Variants in KLHL22 observed in about 807,000 individuals in gnomAD.
KLHL22 encodes kelch like family member 22.
KLHL22 carries 18 observed loss-of-function variants against 60.7 expected under a neutral mutation model. The observed-to-expected ratio is 0.30, with a 90% CI of 0.20 to 0.44. The LOEUF is 0.44. Among genes scored for constraint, KLHL22 ranks in the 20% least tolerant of loss-of-function variants. KLHL22 has a pLI of 1.00. For synonymous variants in KLHL22, 355 were observed against 354.5 expected (o/e 1.00, Z -0.01); for missense variants, 596 against 852.3 (o/e 0.70, Z 3.74).
Position 20,465,193 on chromosome 22 carries a change from G to A in KLHL22, c.777C>T (p.Asp259=). 1 of 1,613,842 alleles carries A rather than the reference G, an allele frequency of 6.2e-7. No homozygotes were observed. Among genetic ancestry groups the A allele is most frequent in the Non-Finnish European group, 8.5e-7 (1 of 1,180,014 alleles). Residue 259 remains aspartate (D), a synonymous_variant, in exon 4 of 7, where the codon GAC becomes GAT. Coordinates refer to ENST00000328879, the MANE Select transcript of KLHL22 (RefSeq NM_032775.4). The surrounding 1 kb of genome is among the most constrained non-coding windows in gnomAD (Gnocchi z 4.9). ...MEAEVLQRLH[D]KLDPSPLRDT... is the part of the protein sequence containing the mutation. ...CCCTCAAAGGGCTGGGGTCCAGCTT[G>A]TCATGCAGCCGCTGCAGGACCTCAG...
rs12167329 is a variant in KLHL22, at chr22:20,450,008, C to T, written c.1306-3332G>A. 2,932 of 599,460 alleles carry T rather than the reference C, an allele frequency of 4.9e-3. 71 individuals carry two copies. Among genetic ancestry groups the T allele is most frequent in the African/African-American group, 0.047 (2,537 of 53,710 alleles). The allele number at this position is 599,460 out of a possible 1,614,324, so 37.1% of individuals were successfully genotyped here. On this transcript the variant is annotated intron_variant, in intron 5 of 6. Transcript: ENST00000328879. ...CTCCTCCTGAGCCACCTGCTGGACC[C>T]GCACCCCACTCCATCCCCACAGGCT...
chr22:20,465,709 C>T lies in KLHL22; in HGVS notation c.394-133G>A, dbSNP rs764805471. On this transcript the variant is annotated intron_variant, in intron 3 of 6. Coordinates refer to ENST00000328879, the MANE Select transcript of KLHL22 (RefSeq NM_032775.4). The surrounding 1 kb of genome is among the most constrained non-coding windows in gnomAD (Gnocchi z 4.9). The stretch of plus-strand genomic sequence containing the variant: ...AAGGGAAGTCCTCCTTAATTGTCCC[C>T]GACCTTTTCTGACACACTGGAGACT... The T allele has an allele frequency of 3.6e-5, 24 of 664,848 alleles. No homozygotes were observed. The highest frequency in any genetic ancestry group is 5.7e-5 in the Non-Finnish European group (21 of 366,962). The allele number at this position is 664,848 out of a possible 1,614,324, so 41.2% of individuals were successfully genotyped here.
chr22:20,446,551 A>G lies in KLHL22; in HGVS notation c.1431T>C (p.Ala477=). ...DPGSNTWHTL[A]DGPVRRAWHG... ...GCCAGGCGCGCCGCACAGGCCCATC[A>G]GCCAGTGTGTGCCAAGTGTTGCTGC... Residue 477 remains alanine, a synonymous_variant, in exon 6 of 7, where the codon GCT becomes GCC. Transcript: ENST00000328879. 1 of 1,613,870 alleles carries G rather than the reference A, an allele frequency of 6.2e-7. No homozygotes were observed. Among genetic ancestry groups the G allele is most frequent in the Non-Finnish European group, 8.5e-7 (1 of 1,179,950 alleles).
At chr22:20,466,090 G>A (rs886794594) in intron 3 of KLHL22, among the ~76,000 whole-genome samples, 4 of 152,134 alleles carry the variant, frequency 2.6e-5, no homozygotes, top group African/African-American at 7.2e-5. Context: ...AAAAGTACTG[G>A]CTCGGCCGGG....
In KLHL22 at chr22:20,483,459, GTTC is replaced by G. The variant is rs1286099570; in HGVS notation, c.227+5523_227+5525del. The G allele has an allele frequency of 9.2e-6, 7 of 762,990 alleles. No homozygotes were observed. In the East Asian group the frequency reaches 1.0e-4, roughly 11 times the overall value. 47.3% of individuals were successfully genotyped at this position (762,990 alleles called of 1,614,324 possible). On this transcript the variant is annotated intron_variant, in intron 2 of 6. Transcript: ENST00000328879. ...GTAGGCCTTTTACTTCCTCTTCATG[GTTC>G]TTCTTCATGAAGAGCAGCTCCTCCT...
chr22:20,478,488 A>G (rs1170190051), intron 2 of KLHL22, among the ~76,000 whole-genome samples: 1 of 145,942 alleles, frequency 6.9e-6, no homozygotes, highest in Non-Finnish European at 1.5e-5. Flanking sequence ...TGAGCCACCA[A>G]GCCCGCCCCA....
chr22:20,449,576 G>A (rs1054473535), intron 5 of KLHL22, among the ~76,000 whole-genome samples: 1 of 149,670 alleles, frequency 6.7e-6, no homozygotes, highest in Admixed American at 6.7e-5. Flanking sequence ...AATTTTTGTA[G>A]TTTTAGTAGA....
intron 5 of KLHL22, among the ~76,000 whole-genome samples, chr22:20,447,746 T>C (rs1271847050): frequency 6.6e-6 from 1 of 152,148 alleles, no homozygotes; most frequent in East Asian, 1.9e-4. Context: ...TTTCACCATG[T>C]TGGCCAGGAT....
chr22:20,465,851 T>C lies in KLHL22; in HGVS notation c.394-275A>G, dbSNP rs528130021. ...TTTCTTTGAGACAAAGTTTCGCTCTTGTTGCCCAGAATGGAGTGCAGTGGC... is the reference window on the plus strand; with the variant it reads ...TTTCTTTGAGACAAAGTTTCGCTCTCGTTGCCCAGAATGGAGTGCAGTGGC... On this transcript the variant is annotated intron_variant, in intron 3 of 6. Transcript: ENST00000328879. This position sits in a 1 kb window ranked among gnomAD's most constrained non-coding sequence, Gnocchi z 4.9. Among the ~76,000 whole-genome samples, 112 of 152,248 alleles carry C rather than the reference T, an allele frequency of 7.4e-4. No individual in the cohort carries two copies. Among genetic ancestry groups the C allele is most frequent in the African/African-American group, 2.7e-3 (111 of 41,556 alleles).
rs529018233 is a variant in KLHL22, at chr22:20,464,725, T to C, written c.1112+133A>G. 3 of 639,384 alleles carry C rather than the reference T, an allele frequency of 4.7e-6. No individual in the cohort carries two copies. In the Admixed American group the frequency reaches 7.9e-5, roughly 17 times the overall value. The allele number at this position is 639,384 out of a possible 1,614,324, so 39.6% of individuals were successfully genotyped here. A position where few individuals can be genotyped will look rare whatever the true frequency, so the allele number is the denominator to read the frequency against. ...GCTGTCCACCTTCTCTGAATTCACC[T>C]AGACTTCATTCCACAATGGCAAGTG... On this transcript the variant is annotated intron_variant, in intron 4 of 6. Coordinates refer to ENST00000328879, the MANE Select transcript of KLHL22 (RefSeq NM_032775.4).
At position 20,442,130 on chromosome 22, in the gene KLHL22, G is replaced by A. The variant is rs771607087; in HGVS notation, c.1848C>T (p.Ala616=). 1 of 1,534,780 alleles carries A rather than the reference G, an allele frequency of 6.5e-7. No individual in the cohort carries two copies. The highest frequency in any genetic ancestry group is 8.8e-7 in the Non-Finnish European group (1 of 1,139,594). Residue 616 remains alanine (A), a synonymous_variant, in exon 7 of 7, where the codon GCC becomes GCT. Transcript: ENST00000328879. ...PDRSQADPDF[A]SEVMSVSDWE... ...AGTCAGACACACTCATCACCTCAGAGGCAAAGTCCGGGTCGGCCTGGCTGC... is the reference window on the plus strand; with the variant it reads ...AGTCAGACACACTCATCACCTCAGAAGCAAAGTCCGGGTCGGCCTGGCTGC...
At chr22:20,491,091 C>G (rs2053680618) in intron 1 of KLHL22, 1 of 152,154 alleles carries the variant, frequency 6.6e-6, no homozygotes, top group Admixed American at 6.5e-5. Flanking sequence ...CAGGAAAATA[C>G]TCATGTCTAC....
chr22:20,465,070 A>G lies in KLHL22; in HGVS notation c.900T>C (p.Val300=). The part of the protein sequence containing the change: ...QTELRSDFQC[V]VGFGGIHSTP... ...TGGAGTGAATGCCCCCGAAGCCCAC[A>G]ACGCACTGGAAGTCCGACCGCAGCT... Residue 300 remains valine, a synonymous_variant, in exon 4 of 7, where the codon GTT becomes GTC. Transcript: ENST00000328879. This position sits in a 1 kb window ranked among gnomAD's most constrained non-coding sequence, Gnocchi z 4.9. 1 of 1,613,002 alleles carries G rather than the reference A, an allele frequency of 6.2e-7. No individual in the cohort carries two copies. Among genetic ancestry groups the G allele is most frequent in the Non-Finnish European group, 8.5e-7 (1 of 1,179,310 alleles).
At chr22:20,466,796 G>T (rs9611596) in intron 3 of KLHL22, among the ~76,000 whole-genome samples, 6 of 152,200 alleles carry the variant, frequency 3.9e-5, no homozygotes, top group African/African-American at 1.4e-4. Flanking sequence ...GAGGTTCCCA[G>T]CTGGGTCAAG....
intron 2 of KLHL22, among the ~76,000 whole-genome samples, chr22:20,487,258 C>G (rs946175489): frequency 6.6e-6 from 1 of 150,982 alleles, no homozygotes; most frequent in Non-Finnish European, 1.5e-5. Flanking sequence ...TGCTCTGTCA[C>G]CCAGGCTGGA....
At position 20,442,277 on chromosome 22, in the gene KLHL22, A is replaced by C; in HGVS notation, c.1701T>G (p.Asp567Glu). 6.2e-7 allele frequency: 1 copy of C among 1,613,856 alleles called. No individual in the cohort carries two copies. The highest frequency in any genetic ancestry group is 2.2e-5 in the East Asian group (1 of 44,874). The change falls in exon 7 of 7, where the codon GAT (aspartate) becomes GAG (glutamate). Residue 567 changes from aspartate (D) to glutamate (E), a missense_variant. Coordinates refer to ENST00000328879, the MANE Select transcript of KLHL22 (RefSeq NM_032775.4). ...GSRTGYVHIYDVEKDCWEEGP... is the reference protein window; with the variant it reads ...GSRTGYVHIYEVEKDCWEEGP... ...CTTCCTCCCAGCAGTCCTTCTCCAC[A>C]TCGTAAATGTGCACGTAGCCTGTGC...
chr22:20,447,022 G>A (rs896579433), intron 5 of KLHL22, among the ~76,000 whole-genome samples: 3 of 152,122 alleles, frequency 2.0e-5, no homozygotes, highest in African/African-American at 7.2e-5. Flanking sequence ...GAACCCTGGG[G>A]ACCGCTGACC....
In KLHL22 at chr22:20,451,011, A is replaced by G. The variant is rs112009024; in HGVS notation, c.1306-4335T>C. The G allele has an allele frequency of 2.6e-6, 4 of 1,535,296 alleles. No homozygotes were observed. The South Asian group carries it at 3.4e-5, about 13-fold the overall frequency. On this transcript the variant is annotated intron_variant, in intron 5 of 6. Coordinates refer to ENST00000328879, the MANE Select transcript of KLHL22 (RefSeq NM_032775.4). Reference sequence around the variant, plus strand: ...GAAGCCAGCAGTCTCCCATCGATGCAGTAGAGAAATATGACCCCAAGACTC... The same window carrying G: ...GAAGCCAGCAGTCTCCCATCGATGCGGTAGAGAAATATGACCCCAAGACTC...
At chr22:20,483,218 T>C (rs1040651173) in intron 2 of KLHL22, 1 of 670,862 alleles carries the variant, frequency 1.5e-6, no homozygotes, top group African/African-American at 1.8e-5. Flanking sequence ...CTCAACTCCG[T>C]GATTGTCATC....
Sources: allele counts gnomAD v4.1 joint callset (sites outside exome capture counted in the v4.1 genomes callset), GRCh38; gene constraint gnomAD v4.1.1; non-coding constraint Gnocchi (gnomAD v3.1); transcripts MANE v1.5; gene names NCBI Gene and HGNC (gene_info 2026-07-23, HGNC 2026-07-21).